The following PLCB4 variants were observed in gnomAD, a reference collection of about 807,000 sequenced individuals.
The protein encoded by PLCB4 is phospholipase C beta 4.
A neutral mutation model predicts 178.8 loss-of-function variants in PLCB4; 77 were observed. The ratio of observed to expected loss-of-function variants is 0.43; its 90% CI spans 0.36 to 0.52. The LOEUF is 0.52. Among genes scored for constraint, PLCB4 ranks in the 20% least tolerant of loss-of-function variants. The pLI, the probability that PLCB4 is intolerant of heterozygous loss-of-function variation, is 0.00. For synonymous variants in PLCB4, 496 were observed against 490.8 expected (o/e 1.01, Z -0.14); for missense variants, 1,024 against 1,453.4 (o/e 0.70, Z 4.80).
chr20:9,245,950 G>T (rs1391055045), intron 3 of PLCB4, among the ~76,000 whole-genome samples: 2 of 152,010 alleles, frequency 1.3e-5, no homozygotes, highest in South Asian at 2.1e-4. Context: ...CTGTTTTTAA[G>T]CTGTCTAGTT....
chr20:9,234,426 G>A (rs1191171777), intron 3 of PLCB4, among the ~76,000 whole-genome samples: 1 of 151,988 alleles, frequency 6.6e-6, no homozygotes, highest in Non-Finnish European at 1.5e-5. Context: ...CATAGAGGTG[G>A]GTCACTCAAA....
chr20:9,165,033 C>T (rs897386796), intron 2 of PLCB4, among the ~76,000 whole-genome samples: 1 of 152,122 alleles, frequency 6.6e-6, no homozygotes, highest in African/African-American at 2.4e-5. Flanking sequence ...TAGCCTGCAT[C>T]AGCATTTTGG....
At chr20:9,330,515 A>G (rs1184207171) in intron 4 of PLCB4, among the ~76,000 whole-genome samples, 1 of 152,176 alleles carries the variant, frequency 6.6e-6, no homozygotes, top group Non-Finnish European at 1.5e-5. Flanking sequence ...CCCAAGTCAG[A>G]CAGGCATGGG....
intron 7 of PLCB4, among the ~76,000 whole-genome samples, chr20:9,341,286 C>CATACCA (rs1429640862): frequency 4.6e-5 from 7 of 152,124 alleles, no homozygotes; most frequent in African/African-American, 7.2e-5. Flanking sequence ...TTAGAGCTAC[C>CATACCA]ATACCCCTGT....
chr20:9,074,948 C>G (rs2089776364), intron 1 of PLCB4, among the ~76,000 whole-genome samples: 1 of 151,902 alleles, frequency 6.6e-6, no homozygotes, highest in Non-Finnish European at 1.5e-5. Context: ...CTTGTTTTTC[C>G]ATGGAGTTTC....
At chr20:9,355,440 C>A (rs536690747) in intron 7 of PLCB4, among the ~76,000 whole-genome samples, 55 of 151,948 alleles carry the variant, frequency 3.6e-4, no homozygotes, top group Non-Finnish European at 6.5e-4. Flanking sequence ...GCTGTCCCTC[C>A]CCCATCCCCT....
At chr20:9,336,562 G>T (rs1362131095) in intron 4 of PLCB4, among the ~76,000 whole-genome samples, 1 of 152,088 alleles carries the variant, frequency 6.6e-6, no homozygotes, top group Non-Finnish European at 1.5e-5. Flanking sequence ...CTGGACTGGG[G>T]CCTCATATTC....
Position 9,390,541 on chromosome 20 carries a change from CAG to C in PLCB4, c.1250_1251del (p.Gln417LeufsTer21). 1 of 1,564,632 alleles carries C rather than the reference CAG, an allele frequency of 6.4e-7. No homozygotes were observed. The highest frequency in any genetic ancestry group is 8.8e-7 in the Non-Finnish European group (1 of 1,135,712). ...CTTTTTTCTCTCCAGCAAATATCAA[CAG>C]TACAAGATGTCCAAATATTGCGAAG... ...SFENHCSKYQ[Q>X]YKMSKYCEDL... On this transcript the variant is annotated frameshift_variant, in exon 17 of 40. Transcript: ENST00000378473. LOFTEE classifies it high-confidence loss of function.
At chr20:9,144,660 G>A (rs1314603973) in intron 2 of PLCB4, among the ~76,000 whole-genome samples, 3 of 136,824 alleles carry the variant, frequency 2.2e-5, no homozygotes, top group African/African-American at 8.0e-5. Context: ...GAAGAAGAAA[G>A]AAGGAGGAGG....
intron 2 of PLCB4, among the ~76,000 whole-genome samples, chr20:9,144,717 A>AG (rs2092562330): frequency 1.5e-5 from 1 of 68,408 alleles, no homozygotes; most frequent in Non-Finnish European, 2.6e-5. Flanking sequence ...AAGAAGGGGA[A>AG]GAAGGGGAAG....
At chr20:9,215,383 T>G (rs1196315526) in intron 2 of PLCB4, among the ~76,000 whole-genome samples, 1 of 152,096 alleles carries the variant, frequency 6.6e-6, no homozygotes, top group Non-Finnish European at 1.5e-5. Context: ...TGAATGCCAG[T>G]TTTGTGGGAT....
At chr20:9,417,451 C>T (rs1403647206) in intron 25 of PLCB4, among the ~76,000 whole-genome samples, 1 of 152,168 alleles carries the variant, frequency 6.6e-6, no homozygotes, top group Non-Finnish European at 1.5e-5. Flanking sequence ...ATTTATATAA[C>T]ATATGGCCTT....
At chr20:9,164,155 TATA>T (rs2092932952) in intron 2 of PLCB4, among the ~76,000 whole-genome samples, 1 of 152,218 alleles carries the variant, frequency 6.6e-6, no homozygotes, top group Non-Finnish European at 1.5e-5. Flanking sequence ...AGCCATTGAT[TATA>T]ATGAGACACA....
chr20:9,237,267 A>T (rs149462300), intron 3 of PLCB4, among the ~76,000 whole-genome samples: 386 of 152,218 alleles, frequency 2.5e-3, no homozygotes, highest in Non-Finnish European at 3.7e-3. Flanking sequence ...TGTTTAAACG[A>T]CTATATGCTT....
chr20:9,409,208 A>T, intron 24 of PLCB4, 27 bp downstream of exon 24: 1 of 1,565,144 alleles, frequency 6.4e-7, no homozygotes, highest in Non-Finnish European at 8.6e-7. Context: ...AGTGACCCCA[A>T]ATTCCATGAG....
rs536443567 is a variant in PLCB4, at chr20:9,480,708, T to G, written c.*1699T>G. 6.6e-6 allele frequency: 1 copy of G among 152,206 alleles called. No individual in the cohort carries two copies. The highest frequency in any genetic ancestry group is 1.5e-5 in the Non-Finnish European group (1 of 68,032). 9.4% of individuals were successfully genotyped at this position (152,206 alleles called of 1,614,324 possible). A position where few individuals can be genotyped will look rare whatever the true frequency, so the allele number is the denominator to read the frequency against. On this transcript the variant is annotated 3_prime_UTR_variant, in exon 40 of 40. Transcript: ENST00000378473. ...TGTAAAATATCTCTTGTTCTTAGTT[T>G]CCTTATCTGTAAAACAGTGGAGTTA...
At chr20:9,426,587 G>T (rs2041026396) in intron 28 of PLCB4, among the ~76,000 whole-genome samples, 1 of 152,180 alleles carries the variant, frequency 6.6e-6, no homozygotes, top group African/African-American at 2.4e-5. Context: ...ATGTTGGCCA[G>T]GCTGATCTTG....
intron 32 of PLCB4, among the ~76,000 whole-genome samples, chr20:9,448,663 G>A (rs143502829): frequency 1.5e-4 from 23 of 150,070 alleles, no homozygotes; most frequent in Non-Finnish European, 1.3e-4. Context: ...TAGTGTCAGC[G>A]TTTTATGTGT....
chr20:9,191,682 G>A (rs190803370), intron 2 of PLCB4, among the ~76,000 whole-genome samples: 1 of 151,950 alleles, frequency 6.6e-6, no homozygotes, highest in Admixed American at 6.6e-5. Flanking sequence ...GGTCAGTTTT[G>A]TTTGGAAATA....
Sources: allele counts gnomAD v4.1 joint callset (sites outside exome capture counted in the v4.1 genomes callset), GRCh38; gene constraint gnomAD v4.1.1; transcripts MANE v1.5; gene names NCBI Gene and HGNC (gene_info 2026-07-23, HGNC 2026-07-21).